Variants in PCDH15 observed in about 807,000 individuals in gnomAD.
PCDH15 encodes the protein protocadherin related 15.
A neutral mutation model predicts 178.5 loss-of-function variants in PCDH15; 129 were observed. The observed-to-expected ratio is 0.72, with a 90% CI of 0.63 to 0.84. The LOEUF is 0.84. PCDH15 is among the 40% of genes least tolerant of loss of function. The pLI, the probability that PCDH15 is intolerant of heterozygous loss-of-function variation, is 0.00. For missense variants in PCDH15, 2,230 were observed against 2,099.9 expected, an observed-to-expected ratio of 1.06 and a Z score of -1.21; for synonymous variants, 800 against 732.0, an observed-to-expected ratio of 1.09 and a Z score of -1.50.
rs556234485 is a variant in PCDH15 at position 55,588,943 on chromosome 10, T to A, written c.-156+38682A>T. Among the ~76,000 whole-genome samples, 311 of 151,790 alleles carry A rather than the reference T, an allele frequency of 2.0e-3. 2 individuals are homozygous for A. The highest frequency in any genetic ancestry group is 3.7e-3 in the Non-Finnish European group (252 of 67,904). On this transcript the variant is annotated intron_variant, in intron 2 of 5. Coordinates refer to the PCDH15 transcript ENST00000613346. Reference sequence around the variant, plus strand: ...CCAAAAATACAAAATTAGCCTGGCGTGGTGCCACATGCCTGTAATCCCAGC... The same window carrying A: ...CCAAAAATACAAAATTAGCCTGGCGAGGTGCCACATGCCTGTAATCCCAGC...
At chr10:54,406,440 G>C (rs1411144220) in intron 3 of PCDH15, among the ~76,000 whole-genome samples, 1 of 152,040 alleles carries the variant, frequency 6.6e-6, no homozygotes, top group African/African-American at 2.4e-5. Context: ...CACATATGAG[G>C]TGTCTGTCAC....
intron 1 of PCDH15, among the ~76,000 whole-genome samples, chr10:54,687,227 A>G (rs1172412595): frequency 1.3e-5 from 2 of 152,212 alleles, no homozygotes; most frequent in East Asian, 3.9e-4. Flanking sequence ...TGGTGCAGCC[A>G]CTATAGAAAT....
At chr10:54,883,478 A>G (rs1269263061) in intron 3 of PCDH15, among the ~76,000 whole-genome samples, 1 of 152,020 alleles carries the variant, frequency 6.6e-6, no homozygotes, top group African/African-American at 2.4e-5. Context: ...AATTTCCTCC[A>G]GGTGACATGA....
intron 2 of PCDH15, among the ~76,000 whole-genome samples, chr10:55,396,983 T>C (rs919317504): frequency 2.0e-5 from 3 of 152,160 alleles, no homozygotes; most frequent in Non-Finnish European, 2.9e-5. Flanking sequence ...ACAGTGTGAG[T>C]ATCCTTAGAA....
intron 13 of PCDH15, among the ~76,000 whole-genome samples, chr10:54,175,837 T>A (rs1158605025): frequency 6.6e-6 from 1 of 152,170 alleles, no homozygotes; most frequent in Non-Finnish European, 1.5e-5. Context: ...TTCAAAGTTT[T>A]TTCCTATGAT....
At chr10:55,607,172 G>C (rs1166194671) in intron 2 of PCDH15, among the ~76,000 whole-genome samples, 1 of 150,694 alleles carries the variant, frequency 6.6e-6, no homozygotes, top group Non-Finnish European at 1.5e-5. Context: ...GGCCATCAGA[G>C]AAATGCAAAT....
intron 1 of PCDH15, among the ~76,000 whole-genome samples, chr10:54,784,235 C>T (rs1950629942): frequency 6.6e-6 from 1 of 151,608 alleles, no homozygotes; most frequent in African/African-American, 2.4e-5. Context: ...CATATCTCCA[C>T]TATACAATTT....
intron 13 of PCDH15, among the ~76,000 whole-genome samples, chr10:54,153,628 A>G (rs12243435): frequency 0.016 from 2,374 of 152,254 alleles, 76 homozygotes; most frequent in African/African-American, 0.055. Context: ...TAGGAAATTT[A>G]TTTTTCCTGT....
chr10:53,957,503 G>GGTTTTTT (rs113683077), intron 23 of PCDH15, among the ~76,000 whole-genome samples: 45 of 140,598 alleles, frequency 3.2e-4, no homozygotes, highest in South Asian at 2.9e-3. Flanking sequence ...TATTTACTAT[G>GGTTTTTT]TTTTTTTTTT....
At chr10:55,130,680 CGTGTGTGTGTGTGTGTGTGTGT>C (rs72055158) in intron 2 of PCDH15, among the ~76,000 whole-genome samples, 5 of 146,332 alleles carry the variant, frequency 3.4e-5, no homozygotes, top group South Asian at 4.4e-4. Context: ...CACACATACA[CGTGTGTGTGTGTGTGTGTGTGT>C]GTGTGTGTGT....
chr10:54,961,195 C>T (rs533306786), intron 2 of PCDH15, among the ~76,000 whole-genome samples: 7 of 152,312 alleles, frequency 4.6e-5, no homozygotes, highest in Admixed American at 1.3e-4. Flanking sequence ...AAATTTGTGG[C>T]TGAGCCAGGG....
At chr10:55,070,007 T>G (rs1298563132) in intron 2 of PCDH15, among the ~76,000 whole-genome samples, 1 of 152,062 alleles carries the variant, frequency 6.6e-6, no homozygotes, top group Non-Finnish European at 1.5e-5. Flanking sequence ...GTGGTTTTGA[T>G]TTGCATTTCT....
chr10:55,244,007 A>G (rs974835582), intron 1 of PCDH15, among the ~76,000 whole-genome samples: 22 of 152,066 alleles, frequency 1.4e-4, no homozygotes, highest in Admixed American at 8.5e-4. Context: ...TATATATTAT[A>G]TAAAATCATA....
At chr10:54,909,263 C>T (rs1037768886) in intron 2 of PCDH15, among the ~76,000 whole-genome samples, 12 of 152,164 alleles carry the variant, frequency 7.9e-5, no homozygotes, top group African/African-American at 2.9e-4. Flanking sequence ...TTCACCAAGA[C>T]CCCATCTTCC....
chr10:54,940,369 T>C (rs1838031283), intron 2 of PCDH15, among the ~76,000 whole-genome samples: 2 of 152,170 alleles, frequency 1.3e-5, no homozygotes, highest in Admixed American at 1.3e-4. Context: ...TCGTTTTTTA[T>C]TTAGTTCTAT....
At chr10:55,563,167 A>G (rs1396849553) in intron 2 of PCDH15, among the ~76,000 whole-genome samples, 5 of 151,894 alleles carry the variant, frequency 3.3e-5, no homozygotes, top group Non-Finnish European at 7.4e-5. Flanking sequence ...TCTGAGCACA[A>G]TGGTAGAGAC....
rs1272588946 is a variant in PCDH15 at position 53,803,492 on chromosome 10, C to A, written c.*3087G>T. 3.3e-5 allele frequency: 5 copies of A among 151,916 alleles called. No individual in the cohort carries two copies. The highest frequency in any genetic ancestry group is 1.2e-4 in the African/African-American group (5 of 41,382). The allele number at this position is 151,916 out of a possible 1,614,324, so 9.4% of individuals were successfully genotyped here. A position where few individuals can be genotyped will look rare whatever the true frequency, so the allele number is the denominator to read the frequency against. ...AAGTAAATAATAGTCTTTAACATCC[C>A]TGTGAACAATGTGGTAAAATAACAT... On this transcript the variant is annotated 3_prime_UTR_variant, in exon 38 of 38. Transcript: ENST00000644397.
At chr10:53,825,188 G>GAAGTT (rs921769972) in intron 32 of PCDH15, 63 of 1,515,572 alleles carry the variant, frequency 4.2e-5, no homozygotes, top group Non-Finnish European at 5.3e-5. Flanking sequence ...TAGAAAAAAA[G>GAAGTT]AAGTTTTTAC....
chr10:53,927,748 T>A (rs1440068008), intron 25 of PCDH15, among the ~76,000 whole-genome samples: 1 of 152,148 alleles, frequency 6.6e-6, no homozygotes, highest in Non-Finnish European at 1.5e-5. Flanking sequence ...TTCTTTGGGA[T>A]CTATCTCACA....
Sources: allele counts gnomAD v4.1 joint callset (sites outside exome capture counted in the v4.1 genomes callset), GRCh38; gene constraint gnomAD v4.1.1; transcripts MANE v1.5; gene names NCBI Gene and HGNC (gene_info 2026-07-23, HGNC 2026-07-21).